Variants in KAZN observed in about 807,000 individuals in gnomAD.
KAZN encodes kazrin.
KAZN carries 40 observed loss-of-function variants against 87.4 expected under a neutral mutation model. The ratio of observed to expected loss-of-function variants is 0.46; its 90% CI spans 0.36 to 0.60. The LOEUF (loss-of-function observed/expected upper bound fraction) is 0.60. Among genes scored for constraint, KAZN ranks in the 20% least tolerant of loss-of-function variants. The pLI is 0.00. For missense variants in KAZN, 898 were observed against 1,073.9 expected, an observed-to-expected ratio of 0.84 and a Z score of 2.29; for synonymous variants, 466 against 458.3, an observed-to-expected ratio of 1.02 and a Z score of -0.22.
intron 2 of KAZN, among the ~76,000 whole-genome samples, chr1:14,390,347 C>T (rs950676751): frequency 4.6e-5 from 7 of 151,938 alleles, no homozygotes; most frequent in African/African-American, 7.3e-5. Context: ...ATGTAAACTT[C>T]GAAGAAAATA....
chr1:14,126,740 T>C (rs1293893463), intron 1 of KAZN, among the ~76,000 whole-genome samples: 2 of 152,172 alleles, frequency 1.3e-5, no homozygotes, highest in African/African-American at 4.8e-5. Context: ...TGACTCCTGA[T>C]CTGATGTTCC....
At chr1:14,100,192 A>G (rs7534389) in intron 1 of KAZN, among the ~76,000 whole-genome samples, 5,969 of 152,290 alleles carry the variant, frequency 0.039, 398 homozygotes, top group African/African-American at 0.14. Flanking sequence ...CCTATCCTTA[A>G]TAAACAGCCC....
intron 1 of KAZN, chr1:14,924,427 G>A (rs1658916276): frequency 2.0e-6 from 2 of 988,324 alleles, no homozygotes; most frequent in South Asian, 9.0e-5. Flanking sequence ...AGGGCGAGCC[G>A]GCGCCTTCCT....
chr1:14,469,205 G>A (rs1035706254), intron 2 of KAZN, among the ~76,000 whole-genome samples: 2 of 151,946 alleles, frequency 1.3e-5, no homozygotes, highest in Non-Finnish European at 2.9e-5. Context: ...ATGGGGGAAT[G>A]TGTGTCACGC....
chr1:14,142,153 G>A (rs1259664346), intron 1 of KAZN, among the ~76,000 whole-genome samples: 1 of 144,498 alleles, frequency 6.9e-6, no homozygotes, highest in East Asian at 2.1e-4. Context: ...GATGGAGGTA[G>A]GTTTACAGGC....
chr1:15,064,026 G>T (rs575134147), intron 7 of KAZN, among the ~76,000 whole-genome samples: 2 of 152,332 alleles, frequency 1.3e-5, no homozygotes, highest in Admixed American at 1.3e-4. Context: ...CCGTCCTGAT[G>T]CCCTGGCCAT....
intron 2 of KAZN, among the ~76,000 whole-genome samples, chr1:14,455,603 A>G (rs1434299907): frequency 6.6e-6 from 1 of 152,238 alleles, no homozygotes; most frequent in Non-Finnish European, 1.5e-5. Context: ...ATCTGAAAGA[A>G]AAAATAATTC....
intron 2 of KAZN, among the ~76,000 whole-genome samples, chr1:14,982,124 G>A (rs183684966): frequency 1.1e-3 from 168 of 152,248 alleles, no homozygotes; most frequent in Non-Finnish European, 1.9e-3. Context: ...TTATCATGCC[G>A]ACTTTACAGT....
intron 1 of KAZN, among the ~76,000 whole-genome samples, chr1:14,631,802 G>A (rs749887656): frequency 6.6e-6 from 1 of 152,230 alleles, no homozygotes; most frequent in Non-Finnish European, 1.5e-5. Flanking sequence ...GCTCTCGGGT[G>A]AAATGTACCT....
intron 1 of KAZN, among the ~76,000 whole-genome samples, chr1:14,960,285 T>C (rs1663682925): frequency 6.6e-6 from 1 of 152,156 alleles, no homozygotes; most frequent in Non-Finnish European, 1.5e-5. Flanking sequence ...ATTTATAAAA[T>C]GGGGTTATGA....
chr1:14,640,934 T>A (rs1390333367), intron 1 of KAZN, among the ~76,000 whole-genome samples: 8 of 152,224 alleles, frequency 5.3e-5, no homozygotes. Context: ...TGTGCACCTC[T>A]TGGCTCTGCT....
At chr1:14,436,510 G>C (rs571039904) in intron 2 of KAZN, among the ~76,000 whole-genome samples, 25 of 151,862 alleles carry the variant, frequency 1.6e-4, no homozygotes, top group African/African-American at 5.8e-4. Context: ...CTGAGGTCAG[G>C]AGTTCGAGAC....
At chr1:14,897,556 A>G (rs1557599626) in intron 1 of KAZN, among the ~76,000 whole-genome samples, 2 of 152,204 alleles carry the variant, frequency 1.3e-5, no homozygotes, top group African/African-American at 4.8e-5. Flanking sequence ...TAAAATAACA[A>G]TAGTAAGCCC....
intron 2 of KAZN, among the ~76,000 whole-genome samples, chr1:14,578,986 C>A (rs1431555303): frequency 1.3e-5 from 2 of 152,128 alleles, no homozygotes; most frequent in South Asian, 2.1e-4. Flanking sequence ...ATCCCCAGCA[C>A]CTGCCTAATA....
At chr1:14,408,245 A>G (rs1400413308) in intron 2 of KAZN, among the ~76,000 whole-genome samples, 1 of 152,248 alleles carries the variant, frequency 6.6e-6, no homozygotes, top group African/African-American at 2.4e-5. Context: ...ATTTAGGCCC[A>G]TGAGCCAAGA....
At chr1:15,064,510 T>G (rs1639063208) in intron 7 of KAZN, among the ~76,000 whole-genome samples, 1 of 152,232 alleles carries the variant, frequency 6.6e-6, no homozygotes, top group African/African-American at 2.4e-5. Context: ...ACCACCCAGA[T>G]GCCGGTAGTG....
At chr1:14,980,750 A>T (rs1275140857) in intron 2 of KAZN, among the ~76,000 whole-genome samples, 4 of 152,172 alleles carry the variant, frequency 2.6e-5, no homozygotes, top group Non-Finnish European at 4.4e-5. Flanking sequence ...ATGCCATGAT[A>T]GACGGCAGGA....
intron 2 of KAZN, among the ~76,000 whole-genome samples, chr1:14,466,510 G>A (rs543377671): frequency 7.9e-4 from 120 of 152,198 alleles, no homozygotes; most frequent in African/African-American, 2.7e-3. Flanking sequence ...GGGGTGAGGG[G>A]AGGGAGAGCA....
intron 1 of KAZN, among the ~76,000 whole-genome samples, chr1:14,713,767 C>T (rs956249071): frequency 2.1e-5 from 2 of 96,384 alleles, no homozygotes; most frequent in Non-Finnish European, 3.7e-5. Context: ...AACGAGACCT[C>T]ATCTCTACAA....
Sources: allele counts gnomAD v4.1 joint callset (sites outside exome capture counted in the v4.1 genomes callset), GRCh38; gene constraint gnomAD v4.1.1; transcripts MANE v1.5; gene names NCBI Gene and HGNC (gene_info 2026-07-23, HGNC 2026-07-21).